AP4E1: variants seen among roughly 807,000 people sequenced by gnomAD.
The protein encoded by AP4E1 is AP-4 complex subunit epsilon-1.
Under a neutral mutation model 128.2 loss-of-function variants are expected in AP4E1, and 56 were observed. The observed-to-expected ratio is 0.44, with a 90% CI of 0.35 to 0.55. AP4E1 has a LOEUF of 0.55. Among genes scored for constraint, AP4E1 ranks in the 20% least tolerant of loss-of-function variants. The pLI is 0.00. For synonymous variants in AP4E1, 484 were observed against 473.1 expected (o/e 1.02, Z -0.30); for missense variants, 1,324 against 1,307.7 (o/e 1.01, Z -0.19).
intron 1 of AP4E1, among the ~76,000 whole-genome samples, chr15:50,911,637 C>A (rs2063568405): frequency 6.8e-6 from 1 of 148,120 alleles, no homozygotes; most frequent in Non-Finnish European, 1.5e-5. Context: ...TACAGGACCC[C>A]CAGCTAATGT....
intron 2 of AP4E1, 48 bp from the exon 3 acceptor site, chr15:50,915,400 C>A: frequency 3.2e-6 from 5 of 1,576,812 alleles, no homozygotes; most frequent in Non-Finnish European, 3.5e-6. Context: ...TTAAAACAAT[C>A]TAAATATTCT....
chr15:50,933,598 G>A (rs1379343373), intron 7 of AP4E1, among the ~76,000 whole-genome samples: 1 of 152,044 alleles, frequency 6.6e-6, no homozygotes, highest in Non-Finnish European at 1.5e-5. Context: ...GGAAGGATTG[G>A]TAATGTCTGC....
chr15:50,909,000 C>G, intron 1 of AP4E1, 72 bp downstream of exon 1: 1 of 1,591,408 alleles, frequency 6.3e-7, no homozygotes. Flanking sequence ...CCTGGCCGGG[C>G]GGCGAGACTT....
chr15:50,950,418 A>G (rs557259338), intron 13 of AP4E1, among the ~76,000 whole-genome samples: 1 of 151,908 alleles, frequency 6.6e-6, no homozygotes, highest in South Asian at 2.1e-4. Context: ...TGTGTTTTTT[A>G]TGTGCATCCG....
Position 50,993,414 on chromosome 15 carries a change from A to C in AP4E1, c.2135A>C (p.Lys712Thr). 6.2e-7 allele frequency: 1 copy of C among 1,614,008 alleles called. No homozygotes were observed. Among genetic ancestry groups the C allele is most frequent in the East Asian group, 2.2e-5 (1 of 44,836 alleles). ...GAAGGTATAAAGAAATTGTGGGGGA[A>C]AGAAGGCTATCTTCCCAAGAAGGAA... ...KLEGIKKLWG[K>T]EGYLPKKESK... is the part of the protein sequence containing the mutation. Residue 712 changes from lysine to threonine, a missense_variant, in exon 17 of 21, where the codon AAA (lysine) becomes ACA (threonine). Lys to Thr is a moderately conservative substitution (Grantham distance 78, BLOSUM62 -1). Coordinates refer to ENST00000261842, the MANE Select transcript of AP4E1 (RefSeq NM_007347.5).
In AP4E1 at chr15:51,002,828, C is replaced by G; in HGVS notation, c.*166C>G. Reference sequence around the variant, plus strand: ...TCCTGGTCAAGAAAGATCCCCAAAACTGTATCCCTAACCTTTAACTCAGGA... The same window carrying G: ...TCCTGGTCAAGAAAGATCCCCAAAAGTGTATCCCTAACCTTTAACTCAGGA... On this transcript the variant is annotated 3_prime_UTR_variant, in exon 21 of 21. Coordinates refer to ENST00000261842, the MANE Select transcript of AP4E1 (RefSeq NM_007347.5). The G allele has an allele frequency of 1.2e-6, 1 of 856,974 alleles. No individual in the cohort carries two copies. The highest frequency in any genetic ancestry group is 2.2e-5 in the Admixed American group (1 of 45,536). The allele number at this position is 856,974 out of a possible 1,614,324, so 53.1% of individuals were successfully genotyped here.
intron 6 of AP4E1, among the ~76,000 whole-genome samples, chr15:50,930,338 A>G (rs948184475): frequency 2.5e-5 from 3 of 119,302 alleles, no homozygotes; most frequent in Non-Finnish European, 5.4e-5. Flanking sequence ...AAGTGTTGGG[A>G]TTACTGGCGT....
chr15:50,969,949 A>G (rs541331862), intron 15 of AP4E1, among the ~76,000 whole-genome samples: 21 of 152,216 alleles, frequency 1.4e-4, no homozygotes, highest in East Asian at 1.9e-4. Flanking sequence ...GTGAGCCACC[A>G]TGCCCGGCCA....
At chr15:50,961,873 G>C (rs1015039302) in intron 14 of AP4E1, among the ~76,000 whole-genome samples, 4 of 151,536 alleles carry the variant, frequency 2.6e-5, no homozygotes, top group Non-Finnish European at 4.4e-5. Context: ...TGAACAAAAA[G>C]TTCTTAGAAC....
intron 10 of AP4E1, chr15:50,944,998 A>C: frequency 2.6e-6 from 2 of 766,416 alleles, no homozygotes; most frequent in Non-Finnish European, 2.4e-6. Context: ...GGCTTTGTAT[A>C]AGGAATACGT....
chr15:50,961,254 T>G (rs2064308798), intron 14 of AP4E1, among the ~76,000 whole-genome samples: 1 of 151,916 alleles, frequency 6.6e-6, no homozygotes, highest in African/African-American at 2.4e-5. Context: ...CTAACTCATT[T>G]TATATGGCCA....
At chr15:50,961,010 A>G (rs1056266132) in intron 14 of AP4E1, among the ~76,000 whole-genome samples, 2 of 152,032 alleles carry the variant, frequency 1.3e-5, no homozygotes, top group Non-Finnish European at 2.9e-5. Context: ...TACACTAACA[A>G]ACTGGAAAAC....
At chr15:50,910,809 C>T (rs1346259162) in intron 1 of AP4E1, among the ~76,000 whole-genome samples, 1 of 152,226 alleles carries the variant, frequency 6.6e-6, no homozygotes, top group Non-Finnish European at 1.5e-5. Flanking sequence ...GCACACGTCA[C>T]CATACCCGGC....
At chr15:50,966,173 C>T (rs1386360419) in intron 14 of AP4E1, among the ~76,000 whole-genome samples, 2 of 152,260 alleles carry the variant, frequency 1.3e-5, no homozygotes, top group East Asian at 1.9e-4. Flanking sequence ...CCCACCTTGG[C>T]CTCCCAAAGT....
chr15:50,945,168 GT>G, intron 10 of AP4E1: 13 of 869,464 alleles, frequency 1.5e-5, no homozygotes, highest in Non-Finnish European at 2.2e-5. Flanking sequence ...TAAAGAAGCT[GT>G]TTTTGCCACA....
chr15:50,959,625 A>C (rs2064282405), intron 14 of AP4E1, among the ~76,000 whole-genome samples: 2 of 152,212 alleles, frequency 1.3e-5, no homozygotes, highest in Non-Finnish European at 1.5e-5. Context: ...GAAAGTATAA[A>C]ACTCACTGGT....
At chr15:50,982,157 C>G (rs957408057) in intron 15 of AP4E1, among the ~76,000 whole-genome samples, 14 of 148,494 alleles carry the variant, frequency 9.4e-5, no homozygotes, top group Non-Finnish European at 2.1e-4. Flanking sequence ...CTTCTGCTTT[C>G]CTTTCACCAT....
Position 50,950,085 on chromosome 15 carries a change from ACT to A in AP4E1, c.1467_1468del (p.Tyr490CysfsTer37). 2 of 1,613,368 alleles carry A rather than the reference ACT, an allele frequency of 1.2e-6. No individual in the cohort carries two copies. The highest frequency in any genetic ancestry group is 1.7e-6 in the Non-Finnish European group (2 of 1,179,618). On this transcript the variant is annotated frameshift_variant, in exon 13 of 21. Coordinates refer to ENST00000261842, the MANE Select transcript of AP4E1 (RefSeq NM_007347.5). LOFTEE classifies it high-confidence loss of function. ...ATGAAACAGAAGATCAGCAATTAAG[ACT>A]CTATGCAGTTCAGTCTTATCTCACT... ...DDETEDQQLRLYAVQSYLTLL... is the reference protein window; with the variant it reads ...DDETEDQQLRXYAVQSYLTLL...
intron 8 of AP4E1, 45 bp downstream of exon 8, chr15:50,934,742 T>A: frequency 5.5e-6 from 7 of 1,273,716 alleles, no homozygotes; most frequent in Non-Finnish European, 8.0e-6. Context: ...AATAATGTTT[T>A]TTAGTATTGC....
Sources: allele counts gnomAD v4.1 joint callset (sites outside exome capture counted in the v4.1 genomes callset), GRCh38; gene constraint gnomAD v4.1.1; transcripts MANE v1.5; gene names NCBI Gene and HGNC (gene_info 2026-07-23, HGNC 2026-07-21).